Variants in RSU1 observed in about 807,000 individuals in gnomAD.
The protein encoded by RSU1 is rsu-1.
Under a neutral mutation model 31.1 loss-of-function variants are expected in RSU1, and 26 were observed. The ratio of observed to expected loss-of-function variants is 0.84; its 90% CI spans 0.61 to 1.16. RSU1 has a LOEUF of 1.16. Among genes scored for constraint, RSU1 ranks in the 50% most tolerant of loss-of-function variants. The probability of loss-of-function intolerance (pLI) is 0.00; values close to 1 mark genes in which losing one functional copy is unlikely to be tolerated. For synonymous variants in RSU1, 164 were observed against 136.3 expected (o/e 1.20, Z -1.41); for missense variants, 320 against 339.1 (o/e 0.94, Z 0.44).
intron 8 of RSU1, among the ~76,000 whole-genome samples, chr10:16,632,208 G>A (rs1252564441): frequency 6.6e-6 from 1 of 152,056 alleles, no homozygotes. Context: ...GTCTTCCCTG[G>A]TACATACATG....
intron 8 of RSU1, among the ~76,000 whole-genome samples, chr10:16,595,122 G>A (rs189358233): frequency 4.6e-5 from 7 of 152,176 alleles, no homozygotes; most frequent in Admixed American, 4.6e-4. Flanking sequence ...TCACTAGGTT[G>A]CCCAGGCTGG....
chr10:16,643,373 A>C (rs956936331), intron 8 of RSU1, among the ~76,000 whole-genome samples: 1 of 152,236 alleles, frequency 6.6e-6, no homozygotes, highest in Non-Finnish European at 1.5e-5. Context: ...ATGCTCATAC[A>C]TTAAAAAATT....
intron 8 of RSU1, among the ~76,000 whole-genome samples, chr10:16,676,422 A>G (rs1432476811): frequency 1.3e-5 from 2 of 152,150 alleles, no homozygotes; most frequent in Non-Finnish European, 2.9e-5. Context: ...CACTATCACA[A>G]GAACAACATG....
intron 8 of RSU1, among the ~76,000 whole-genome samples, chr10:16,661,991 T>C (rs1834899523): frequency 6.6e-6 from 1 of 152,264 alleles, no homozygotes; most frequent in Non-Finnish European, 1.5e-5. Context: ...TCAGAATATC[T>C]GGTCCTCATG....
intron 7 of RSU1, among the ~76,000 whole-genome samples, chr10:16,751,517 A>G (rs950484549): frequency 1.3e-5 from 2 of 152,202 alleles, no homozygotes; most frequent in Non-Finnish European, 2.9e-5. Context: ...CATTAGCCAC[A>G]TGAGCCTGCT....
chr10:16,668,960 G>C (rs151126642), intron 8 of RSU1, among the ~76,000 whole-genome samples: 9 of 151,560 alleles, frequency 5.9e-5, no homozygotes, highest in African/African-American at 2.0e-4. Context: ...CTTATATATA[G>C]TTATGGCCAT....
chr10:16,639,612 T>C (rs1359519247), intron 8 of RSU1, among the ~76,000 whole-genome samples: 2 of 152,360 alleles, frequency 1.3e-5, no homozygotes, highest in African/African-American at 4.8e-5. Flanking sequence ...ATCCTTGATA[T>C]GTCATTTGTT....
chr10:16,666,658 G>T (rs1054891943), intron 8 of RSU1, among the ~76,000 whole-genome samples: 2 of 152,034 alleles, frequency 1.3e-5, no homozygotes, highest in African/African-American at 4.8e-5. Context: ...AAATCTCTAG[G>T]TGGGCTCACA....
intron 8 of RSU1, among the ~76,000 whole-genome samples, chr10:16,691,291 T>G (rs1321485371): frequency 1.3e-5 from 2 of 151,964 alleles, no homozygotes; most frequent in African/African-American, 2.4e-5. Flanking sequence ...CTTAATATAA[T>G]ACAGATCTAT....
intron 8 of RSU1, among the ~76,000 whole-genome samples, chr10:16,671,800 A>AT (rs1162135278): frequency 2.7e-5 from 4 of 150,374 alleles, no homozygotes; most frequent in Non-Finnish European, 5.9e-5. Context: ...TAATTTTTGT[A>AT]TTTTTTTAGT....
At chr10:16,764,332 C>G (rs1228156988) in intron 4 of RSU1, 58 bp downstream of exon 4, 1 of 1,505,808 alleles carries the variant, frequency 6.6e-7, no homozygotes, top group Non-Finnish European at 8.9e-7. Context: ...CCTGGCCTTA[C>G]CCGGCATGCC....
At chr10:16,699,893 A>G (rs1835752999) in intron 7 of RSU1, among the ~76,000 whole-genome samples, 1 of 152,248 alleles carries the variant, frequency 6.6e-6, no homozygotes, top group Non-Finnish European at 1.5e-5. Context: ...TTTCCATTTT[A>G]TTACCTGCAA....
At chr10:16,600,057 G>GGA (rs1554757499) in intron 8 of RSU1, among the ~76,000 whole-genome samples, 1 of 152,058 alleles carries the variant, frequency 6.6e-6, no homozygotes, top group African/African-American at 2.4e-5. Flanking sequence ...TAAGAAGTGG[G>GGA]AAAAAAACGA....
chr10:16,644,429 G>A (rs1834499263), intron 8 of RSU1, among the ~76,000 whole-genome samples: 1 of 152,234 alleles, frequency 6.6e-6, no homozygotes, highest in Non-Finnish European at 1.5e-5. Context: ...CCACGTGCCA[G>A]ATACCTGGCT....
intron 8 of RSU1, among the ~76,000 whole-genome samples, chr10:16,660,336 C>T (rs1203279049): frequency 6.6e-6 from 1 of 152,080 alleles, no homozygotes; most frequent in Admixed American, 6.5e-5. Context: ...GTTCACGCTA[C>T]CTGTTGTGCG....
chr10:16,737,291 C>T (rs1836647036), intron 7 of RSU1, among the ~76,000 whole-genome samples: 1 of 151,556 alleles, frequency 6.6e-6, no homozygotes, highest in African/African-American at 2.4e-5. Flanking sequence ...CTCCATAAAA[C>T]TGTCAAAAAG....
chr10:16,690,766 G>C (rs529343853), intron 8 of RSU1, among the ~76,000 whole-genome samples: 1 of 152,228 alleles, frequency 6.6e-6, no homozygotes, highest in South Asian at 2.1e-4. Context: ...AAACATTCCG[G>C]TAAGTTTTTT....
At chr10:16,732,941 A>G (rs1386421036) in intron 7 of RSU1, among the ~76,000 whole-genome samples, 1 of 152,184 alleles carries the variant, frequency 6.6e-6, no homozygotes, top group African/African-American at 2.4e-5. Context: ...ATGGAGTTTG[A>G]TAAAGTCTAC....
At position 16,764,494 on chromosome 10, in the gene RSU1, G is replaced by T. The variant is rs370761048; in HGVS notation, c.177C>A (p.Ile59=). ...HNKLTMVPPN[I]AELKNLEVLN... is the part of the protein sequence containing the mutation. ...GCACCTCCAAATTCTTCAGTTCTGC[G>T]ATGTTCGGTGGCACCACTATGGAAA... Residue 59 remains isoleucine (I), a synonymous_variant, in exon 4 of 9, where the codon ATC becomes ATA. Coordinates refer to ENST00000345264, the MANE Select transcript of RSU1 (RefSeq NM_012425.4). 1.1e-5 allele frequency: 17 copies of T among 1,613,444 alleles called. No homozygotes were observed. The highest frequency in any genetic ancestry group is 6.7e-5 in the East Asian group (3 of 44,874).
Sources: gnomAD v4.1 joint callset for allele counts (sites outside exome capture counted in the v4.1 genomes callset) on GRCh38, gnomAD v4.1.1 for gene constraint, MANE v1.5 for transcripts, NCBI Gene and HGNC (gene_info 2026-07-23, HGNC 2026-07-21) for gene names.